PTPRD: variants seen among roughly 807,000 people sequenced by gnomAD.
PTPRD encodes the protein protein tyrosine phosphatase receptor type D.
A neutral mutation model predicts 214.5 loss-of-function variants in PTPRD; 34 were observed. The ratio of observed to expected loss-of-function variants is 0.16; its 90% CI spans 0.12 to 0.21. The LOEUF is 0.21. Among genes scored for constraint, PTPRD ranks in the 10% least tolerant of loss-of-function variants. The probability of loss-of-function intolerance (pLI) is 1.00; values close to 1 mark genes in which losing one functional copy is unlikely to be tolerated. For missense variants in PTPRD, 2,545 were observed against 2,398.7 expected (o/e 1.06, Z -1.27); for synonymous variants, 1,128 against 845.7 (o/e 1.33, Z -5.79).
intron 10 of PTPRD, among the ~76,000 whole-genome samples, chr9:9,087,455 T>A (rs1398800669): frequency 6.6e-6 from 1 of 152,180 alleles, no homozygotes; most frequent in African/African-American, 2.4e-5. Flanking sequence ...TACTCCTGCA[T>A]ACTGAAGAGG....
intron 2 of PTPRD, among the ~76,000 whole-genome samples, chr9:10,391,438 T>C (rs116634577): frequency 1.3e-5 from 2 of 151,872 alleles, no homozygotes; most frequent in African/African-American, 4.8e-5. Context: ...GGTCTAGCCT[T>C]AAGTGTTAGG....
intron 30 of PTPRD, among the ~76,000 whole-genome samples, chr9:8,472,278 A>C (rs2096667704): frequency 6.6e-6 from 1 of 152,180 alleles, no homozygotes; most frequent in Non-Finnish European, 1.5e-5. Context: ...AAACACACAC[A>C]CACGGACCTA....
intron 2 of PTPRD, among the ~76,000 whole-genome samples, chr9:10,362,906 A>G (rs1023645783): frequency 9.2e-5 from 14 of 151,984 alleles, no homozygotes; most frequent in African/African-American, 3.4e-4. Context: ...TAAATAAATA[A>G]CTTTGCCTAG....
At chr9:9,462,198 A>G (rs2093721114) in intron 8 of PTPRD, among the ~76,000 whole-genome samples, 1 of 152,136 alleles carries the variant, frequency 6.6e-6, no homozygotes. Context: ...AGGACTTCAA[A>G]GTATTATATA....
chr9:9,985,366 G>C (rs1036133492), intron 4 of PTPRD, among the ~76,000 whole-genome samples: 5 of 151,960 alleles, frequency 3.3e-5, no homozygotes, highest in African/African-American at 1.2e-4. Flanking sequence ...ATACAGTTAA[G>C]TTTTTTTTAG....
intron 3 of PTPRD, among the ~76,000 whole-genome samples, chr9:10,085,920 C>A (rs1410732442): frequency 6.6e-6 from 1 of 151,736 alleles, no homozygotes; most frequent in Non-Finnish European, 1.5e-5. Flanking sequence ...GTCTCTGATC[C>A]ATGAAATCTA....
chr9:9,323,676 CA>C (rs1967951761), intron 9 of PTPRD, among the ~76,000 whole-genome samples: 2 of 152,054 alleles, frequency 1.3e-5, no homozygotes, highest in African/African-American at 2.4e-5. Context: ...TAGGCAGTTC[CA>C]TATGCATTCT....
intron 2 of PTPRD, among the ~76,000 whole-genome samples, chr9:10,346,762 G>A (rs1279731937): frequency 1.3e-5 from 2 of 152,156 alleles, no homozygotes; most frequent in Non-Finnish European, 2.9e-5. Flanking sequence ...ATTTACTGAA[G>A]TGAATGGGTG....
intron 12 of PTPRD, among the ~76,000 whole-genome samples, chr9:8,639,192 A>G (rs1015298360): frequency 1.6e-4 from 24 of 152,234 alleles, no homozygotes; most frequent in African/African-American, 5.8e-4. Context: ...AACACTGTAC[A>G]TTGATGTCAC....
At chr9:10,192,230 G>T (rs2099366962) in intron 3 of PTPRD, among the ~76,000 whole-genome samples, 1 of 152,028 alleles carries the variant, frequency 6.6e-6, no homozygotes, top group Non-Finnish European at 1.5e-5. Context: ...AGGAAGTGAA[G>T]ATTTTTGGAG....
chr9:10,461,639 T>G (rs1435466429), intron 2 of PTPRD, among the ~76,000 whole-genome samples: 1 of 151,482 alleles, frequency 6.6e-6, no homozygotes, highest in East Asian at 1.9e-4. Context: ...TTTTTTTTTT[T>G]TAAGATGGAG....
At chr9:8,581,567 T>A (rs940333376) in intron 14 of PTPRD, among the ~76,000 whole-genome samples, 1 of 151,454 alleles carries the variant, frequency 6.6e-6, no homozygotes, top group South Asian at 2.1e-4. Context: ...GCTAACACAG[T>A]GAAACCCCAT....
At chr9:8,811,973 C>T (rs545567368) in intron 11 of PTPRD, among the ~76,000 whole-genome samples, 1 of 152,148 alleles carries the variant, frequency 6.6e-6, no homozygotes, top group Non-Finnish European at 1.5e-5. Context: ...AGGAGATCAA[C>T]ACAGATGGGG....
intron 11 of PTPRD, among the ~76,000 whole-genome samples, chr9:9,001,389 T>TTACATACATAAC (rs1555684076): frequency 2.6e-5 from 4 of 151,976 alleles, no homozygotes; most frequent in African/African-American, 4.8e-5. Context: ...CTGTACAAGT[T>TTACATACATAAC]TACATAACTA....
chr9:9,258,542 A>G lies in PTPRD; in HGVS notation c.-202-75179T>C, dbSNP rs189860106. Among the ~76,000 whole-genome samples, 98 of 152,092 alleles carry G rather than the reference A, an allele frequency of 6.4e-4. 4 individuals are homozygous for G. The East Asian group carries it at 9.8e-3, about 15-fold the overall frequency. On this transcript the variant is annotated intron_variant, in intron 9 of 45. Coordinates refer to ENST00000381196, the MANE Select transcript of PTPRD (RefSeq NM_002839.4). ...AATCAATAATGATAACTTATGTCTG[A>G]GAAGCATTCAGAGGTCAGAATTACA... is the stretch of plus-strand genomic sequence containing the variant.
intron 8 of PTPRD, among the ~76,000 whole-genome samples, chr9:9,494,240 G>T (rs1161404190): frequency 6.6e-6 from 1 of 152,144 alleles, no homozygotes; most frequent in Non-Finnish European, 1.5e-5. Flanking sequence ...TTTTGACATG[G>T]CAACAAATGG....
chr9:9,516,540 T>A (rs757288388), intron 8 of PTPRD, among the ~76,000 whole-genome samples: 5 of 150,724 alleles, frequency 3.3e-5, no homozygotes, highest in East Asian at 1.9e-4. Flanking sequence ...TATTTTATTT[T>A]ATTTATTTAT....
chr9:9,684,693 T>TTGTG (rs138242584), intron 7 of PTPRD, among the ~76,000 whole-genome samples: 26 of 149,148 alleles, frequency 1.7e-4, no homozygotes, highest in African/African-American at 5.6e-4. Context: ...AATACAGCAT[T>TTGTG]TGTGTGTGTG....
intron 27 of PTPRD, among the ~76,000 whole-genome samples, chr9:8,486,849 T>C (rs1382077725): frequency 6.6e-6 from 1 of 152,208 alleles, no homozygotes; most frequent in East Asian, 1.9e-4. Context: ...ATCTCTATCT[T>C]CTATAATGAG....
Sources: gnomAD v4.1 joint callset for allele counts (sites outside exome capture counted in the v4.1 genomes callset) on GRCh38, gnomAD v4.1.1 for gene constraint, MANE v1.5 for transcripts, NCBI Gene and HGNC (gene_info 2026-07-23, HGNC 2026-07-21) for gene names.